The following MSH4 variants were observed in gnomAD, a reference collection of about 807,000 sequenced individuals.
MSH4 encodes mutS protein homolog 4.
Under a neutral mutation model 113.7 loss-of-function variants are expected in MSH4, and 106 were observed. The observed-to-expected ratio is 0.93, with a 90% CI of 0.80 to 1.10. The LOEUF (loss-of-function observed/expected upper bound fraction) is 1.10. MSH4 is among the 50% of genes least tolerant of loss of function. The probability of loss-of-function intolerance (pLI) is 0.00; values close to 1 mark genes in which losing one functional copy is unlikely to be tolerated. For missense variants in MSH4, 1,061 were observed against 1,093.7 expected (o/e 0.97, Z 0.42); for synonymous variants, 368 against 380.2 (o/e 0.97, Z 0.37).
At chr1:75,869,846 A>C (rs896387967) in intron 9 of MSH4, among the ~76,000 whole-genome samples, 31 of 152,154 alleles carry the variant, frequency 2.0e-4, no homozygotes, top group African/African-American at 7.2e-4. Flanking sequence ...AATGGGCAAA[A>C]GCCCCCACAC....
chr1:75,902,294 G>C (rs1285278578), intron 19 of MSH4, among the ~76,000 whole-genome samples: 1 of 151,918 alleles, frequency 6.6e-6, no homozygotes, highest in Non-Finnish European at 1.5e-5. Flanking sequence ...TGGGCTCCTA[G>C]TGTACCCAAT....
chr1:75,837,427 C>T lies in MSH4; in HGVS notation c.1163-10782C>T, dbSNP rs148077070. ...TTTTTGAGACGGAGTCTTGCTGTCA[C>T]CTACCCTGGAGTGCAATGGTGCAAT... On this transcript the variant is annotated intron_variant, in intron 7 of 19. Coordinates refer to ENST00000263187, the MANE Select transcript of MSH4 (RefSeq NM_002440.4). Among the ~76,000 whole-genome samples, 400 of 139,284 alleles carry T rather than the reference C, an allele frequency of 2.9e-3. 4 individuals are homozygous for T. Among genetic ancestry groups the T allele is most frequent in the African/African-American group, 0.01 (387 of 37,916 alleles). The allele number at this position is 139,284 out of a possible 152,430, so 91.4% of individuals were successfully genotyped here.
rs1323760732 is a variant in MSH4, at chr1:75,890,912, G to A, written c.2355+88G>A. On this transcript the variant is annotated intron_variant, in intron 17 of 19. Coordinates refer to ENST00000263187, the MANE Select transcript of MSH4 (RefSeq NM_002440.4). Reference sequence around the variant, plus strand: ...TGAATTTTATGGACACCCACAAATAGCTTTTAAAACAATTTAGATAGTAAA... The same window carrying A: ...TGAATTTTATGGACACCCACAAATAACTTTTAAAACAATTTAGATAGTAAA... The A allele has an allele frequency of 4.2e-6, 5 of 1,180,270 alleles. No homozygotes were observed. The East Asian group carries it at 1.1e-4, about 25-fold the overall frequency. 73.1% of individuals were successfully genotyped at this position (1,180,270 alleles called of 1,614,324 possible).
intron 4 of MSH4, among the ~76,000 whole-genome samples, chr1:75,812,726 A>T (rs1650215664): frequency 6.6e-6 from 1 of 152,116 alleles, no homozygotes; most frequent in South Asian, 2.1e-4. Flanking sequence ...TGGGTTTGCT[A>T]ACTGGCACTT....
intron 8 of MSH4, among the ~76,000 whole-genome samples, chr1:75,852,956 T>G (rs1199780636): frequency 6.6e-6 from 1 of 152,172 alleles, no homozygotes; most frequent in Non-Finnish European, 1.5e-5. Flanking sequence ...TATAACAGTT[T>G]TAGTTAGATC....
chr1:75,905,544 G>A (rs1652606274), intron 19 of MSH4, among the ~76,000 whole-genome samples: 1 of 152,110 alleles, frequency 6.6e-6, no homozygotes, highest in Non-Finnish European at 1.5e-5. Context: ...GAAATGTTCT[G>A]CAAATGTCAG....
At chr1:75,877,382 C>A (rs1651838002) in intron 10 of MSH4, among the ~76,000 whole-genome samples, 1 of 152,070 alleles carries the variant, frequency 6.6e-6, no homozygotes, top group Non-Finnish European at 1.5e-5. Context: ...TGAATACAAT[C>A]TAAATGCTGT....
chr1:75,879,187 T>TA (rs1202397820), intron 12 of MSH4, 59 bp downstream of exon 12: 1 of 1,519,070 alleles, frequency 6.6e-7, no homozygotes, highest in African/African-American at 1.4e-5. Context: ...TACATCTACA[T>TA]ATTTTTGGGA....
intron 7 of MSH4, among the ~76,000 whole-genome samples, chr1:75,826,050 TC>T (rs2100524862): frequency 6.6e-6 from 1 of 152,358 alleles, no homozygotes; most frequent in African/African-American, 2.4e-5. Context: ...TACCAGCTCC[TC>T]CTTGTACCTC....
Position 75,821,855 on chromosome 1 carries a change from G to T in MSH4, c.990-554G>T, listed in dbSNP as rs1650421443. ...ACTCCCGAGTTCAAGTATTCCTCCT[G>T]CCTTGGCCTCCCAGAGTGTTGTTGA... On this transcript the variant is annotated intron_variant, in intron 6 of 19. Transcript: ENST00000263187. Among the ~76,000 whole-genome samples, 3 of 152,094 alleles carry T rather than the reference G, an allele frequency of 2.0e-5. No homozygotes were observed. The East Asian group carries it at 5.8e-4, about 29-fold the overall frequency.
chr1:75,853,681 T>G (rs1651246871), intron 8 of MSH4, among the ~76,000 whole-genome samples: 1 of 130,432 alleles, frequency 7.7e-6, no homozygotes, highest in South Asian at 2.3e-4. Context: ...TATATTCAAT[T>G]GGTTATAGTC....
Position 75,824,886 on chromosome 1 carries a change from C to T in MSH4, c.1162+2305C>T, listed in dbSNP as rs572988142. On this transcript the variant is annotated intron_variant, in intron 7 of 19. Transcript: ENST00000263187. ...CTTGTAGTAGTTTGAAGTCAGGTAG[C>T]ATAATACCTTCAGCTTTGTTTTTTT... 1.5e-3 allele frequency among the ~76,000 whole-genome samples: 214 copies of T among 141,632 alleles called. 1 individual carries two copies. The highest frequency in any genetic ancestry group is 5.4e-3 in the African/African-American group (206 of 38,468). 92.9% of individuals were successfully genotyped at this position (141,632 alleles called of 152,430 possible).
chr1:75,875,345 T>C (rs574074715), intron 9 of MSH4, among the ~76,000 whole-genome samples: 3 of 152,306 alleles, frequency 2.0e-5, no homozygotes, highest in South Asian at 2.1e-4. Context: ...CCTACAGATA[T>C]GGTAAAAATG....
Position 75,867,539 on chromosome 1 carries a change from C to T in MSH4, c.1256C>T (p.Thr419Ile). 6.3e-7 allele frequency: 1 copy of T among 1,597,208 alleles called. No individual in the cohort carries two copies. Among genetic ancestry groups the T allele is most frequent in the Non-Finnish European group, 8.5e-7 (1 of 1,170,914 alleles). ...GTCAATGCTGCTGAATCAAAGATAA[C>T]AAATTTAATATACTTAAAACATACC... ...DTVNAAESKI[T>I]NLIYLKHTLE... The change falls in exon 9 of 20, where the codon ACA becomes ATA. Residue 419 changes from threonine (T) to isoleucine (I), a missense_variant. Coordinates refer to ENST00000263187, the MANE Select transcript of MSH4 (RefSeq NM_002440.4).
At chr1:75,874,578 T>A (rs981023957) in intron 9 of MSH4, among the ~76,000 whole-genome samples, 1 of 152,096 alleles carries the variant, frequency 6.6e-6, no homozygotes, top group Admixed American at 6.5e-5. Flanking sequence ...TGCCTCATCC[T>A]CCTGAGTCAC....
chr1:75,797,066 G>T lies in MSH4; in HGVS notation c.81G>T (p.Gln27His). The part of the protein sequence containing the change: ...SPSSGETRSP[Q>H]GPRYNFGLQE... Reference sequence around the variant, plus strand: ...CGTCGGGAGAAACCCGCTCACCTCAGGGTCCCCGCTACAATTTCGGACTCC... The same window carrying T: ...CGTCGGGAGAAACCCGCTCACCTCATGGTCCCCGCTACAATTTCGGACTCC... The change falls in exon 1 of 20, where the codon CAG (glutamine) becomes CAT (histidine). Residue 27 changes from glutamine to histidine, a missense_variant. Coordinates refer to ENST00000263187, the MANE Select transcript of MSH4 (RefSeq NM_002440.4). The T allele has an allele frequency of 6.2e-7, 1 of 1,614,034 alleles. No homozygotes were observed. The highest frequency in any genetic ancestry group is 1.3e-5 in the African/African-American group (1 of 75,060).
chr1:75,899,260 T>C (rs1307872021), intron 18 of MSH4, among the ~76,000 whole-genome samples: 1 of 152,176 alleles, frequency 6.6e-6, no homozygotes, highest in African/African-American at 2.4e-5. Context: ...GCTATTATCT[T>C]CCCCTGCAAA....
intron 15 of MSH4, among the ~76,000 whole-genome samples, chr1:75,885,251 TTA>T (rs1652045843): frequency 7.2e-6 from 1 of 139,734 alleles, no homozygotes; most frequent in Non-Finnish European, 1.5e-5. Context: ...ATTATATACA[TTA>T]TATATATAAA....
At chr1:75,910,601 A>G (rs1380290231) in intron 19 of MSH4, among the ~76,000 whole-genome samples, 3 of 151,744 alleles carry the variant, frequency 2.0e-5, no homozygotes, top group Non-Finnish European at 4.4e-5. Context: ...TATTCCACTT[A>G]CTAAATATAA....
Sources: gnomAD v4.1 joint callset for allele counts (sites outside exome capture counted in the v4.1 genomes callset) on GRCh38, gnomAD v4.1.1 for gene constraint, MANE v1.5 for transcripts, NCBI Gene and HGNC (gene_info 2026-07-23, HGNC 2026-07-21) for gene names.